The following BRWD1 variants were observed in gnomAD, a reference collection of about 807,000 sequenced individuals.
BRWD1 encodes the protein bromodomain and WD repeat domain containing 1, also known as bromodomain and WD repeat-containing protein 1.
A neutral mutation model predicts 251.2 loss-of-function variants in BRWD1; 82 were observed. The ratio of observed to expected loss-of-function variants is 0.33; its 90% CI spans 0.27 to 0.39. The LOEUF (loss-of-function observed/expected upper bound fraction) is 0.39, where lower values mean the gene tolerates loss of function less well. Among genes scored for constraint, BRWD1 ranks in the 10% least tolerant of loss-of-function variants. BRWD1 has a pLI of 1.00. For missense variants in BRWD1, 2,233 were observed against 2,711.6 expected (o/e 0.82, Z 3.92); for synonymous variants, 918 against 902.8 (o/e 1.02, Z -0.30).
chr21:39,218,453 T>C, intron 30 of BRWD1, 52 bp downstream of exon 30: 8 of 1,501,086 alleles, frequency 5.3e-6, no homozygotes, highest in Non-Finnish European at 7.1e-6. Flanking sequence ...TAAATACCTT[T>C]ATGAAAAAAA....
chr21:39,232,432 C>T lies in BRWD1; in HGVS notation c.2833G>A (p.Val945Ile), dbSNP rs2033651168. The change falls in exon 24 of 41, where the codon GTT (valine) becomes ATT (isoleucine). Residue 945 changes from valine (V) to isoleucine (I), a missense_variant. By Grantham distance (29) the Val-to-Ile change is conservative. Coordinates refer to ENST00000342449, the MANE Select transcript of BRWD1 (RefSeq NM_033656.4). ...MEHLYEFHPPVWITDTTLRKS... is the reference protein window; with the variant it reads ...MEHLYEFHPPIWITDTTLRKS... Reference sequence around the variant, plus strand: ...CTAAGTGTGGTGTCAGTAATCCAAACTGGAGGGTGAAATTCATATAAATGC... The same window carrying T: ...CTAAGTGTGGTGTCAGTAATCCAAATTGGAGGGTGAAATTCATATAAATGC... The T allele has an allele frequency of 6.3e-7, 1 of 1,591,592 alleles. No individual in the cohort carries two copies. The highest frequency in any genetic ancestry group is 1.4e-5 in the African/African-American group (1 of 73,174).
At chr21:39,201,211 G>A (rs1390949769) in intron 38 of BRWD1, among the ~76,000 whole-genome samples, 1 of 152,124 alleles carries the variant, frequency 6.6e-6, no homozygotes, top group Non-Finnish European at 1.5e-5. Context: ...AAAACTGGCT[G>A]TGATACCAAA....
At chr21:39,230,784 C>T (rs1186893251) in intron 25 of BRWD1, among the ~76,000 whole-genome samples, 1 of 151,208 alleles carries the variant, frequency 6.6e-6, no homozygotes, top group Admixed American at 6.6e-5. Context: ...ATGAAAAGGA[C>T]ACTTGTTTGC....
At position 39,196,251 on chromosome 21, in the gene BRWD1, C is replaced by G. The variant is rs943051359; in HGVS notation, c.*8G>C. ...TTTCCTCTTAAATGAACTGGCTTTC[C>G]CTCAAGGTCATAAGGTGCAACCATT... On this transcript the variant is annotated 3_prime_UTR_variant, in exon 41 of 41. Transcript: ENST00000342449. The G allele has an allele frequency of 7.7e-6, 12 of 1,561,920 alleles. No homozygotes were observed. Among genetic ancestry groups the G allele is most frequent in the Non-Finnish European group, 1.0e-5 (12 of 1,157,586 alleles).
chr21:39,265,333 G>A (rs899536049), intron 15 of BRWD1, among the ~76,000 whole-genome samples: 9 of 152,266 alleles, frequency 5.9e-5, no homozygotes, highest in African/African-American at 1.2e-4. Context: ...GCTGAGACAC[G>A]AGAATCGTTT....
chr21:39,229,887 C>T (rs993604665), intron 25 of BRWD1, among the ~76,000 whole-genome samples: 27 of 152,082 alleles, frequency 1.8e-4, no homozygotes, highest in African/African-American at 6.5e-4. Context: ...ACAGGTACAA[C>T]ATGCCACCAC....
chr21:39,252,479 C>A (rs1378186868), intron 19 of BRWD1, among the ~76,000 whole-genome samples: 4 of 152,128 alleles, frequency 2.6e-5, no homozygotes, highest in Non-Finnish European at 4.4e-5. Flanking sequence ...TTTAAATACT[C>A]TTCATCCTTA....
At chr21:39,277,502 G>A (rs940721692) in intron 10 of BRWD1, 151 bp from the exon 11 acceptor site, 7 of 490,474 alleles carry the variant, frequency 1.4e-5, no homozygotes, top group Non-Finnish European at 2.4e-5. Flanking sequence ...CTATATAGAG[G>A]TTATAAAGCT....
chr21:39,216,376 T>C (rs542292324), intron 31 of BRWD1, among the ~76,000 whole-genome samples: 39 of 152,284 alleles, frequency 2.6e-4, no homozygotes, highest in African/African-American at 8.9e-4. Context: ...AATAAAGTTA[T>C]CTAACAACTT....
chr21:39,190,552 C>G lies in BRWD1; in HGVS notation c.*5707G>C. On this transcript the variant is annotated 3_prime_UTR_variant, in exon 41 of 41. Transcript: ENST00000342449. ...AAGTTATAAGCTCCCTCAAGCAAGC[C>G]TTTTATCAGAAAAGACTTGAGATAT... 6 of 985,346 alleles carry G rather than the reference C, an allele frequency of 6.1e-6. No homozygotes were observed. Among genetic ancestry groups the G allele is most frequent in the Non-Finnish European group, 7.2e-6 (6 of 829,910 alleles). The allele number at this position is 985,346 out of a possible 1,614,324, so 61.0% of individuals were successfully genotyped here.
At chr21:39,264,852 A>ACT in intron 16 of BRWD1, 39 bp downstream of exon 16, 1 of 1,599,214 alleles carries the variant, frequency 6.3e-7, no homozygotes, top group Non-Finnish European at 8.5e-7. Flanking sequence ...ACAGCTGATA[A>ACT]CTATTACTTG....
intron 18 of BRWD1, 26 bp downstream of exon 18, chr21:39,258,461 G>A (rs889580766): frequency 2.6e-6 from 4 of 1,516,458 alleles, no homozygotes; most frequent in South Asian, 1.3e-5. Flanking sequence ...CCATATTCAG[G>A]TAAAACATTT....
chr21:39,265,120 TG>T lies in BRWD1; in HGVS notation c.1531-102del. ...ATAACCTGTGACAATATATCCCTTC[TG>T]AAAAAAAAAAAAAAAGTTTCAGCCA... On this transcript the variant is annotated intron_variant, in intron 15 of 40. Coordinates refer to ENST00000342449, the MANE Select transcript of BRWD1 (RefSeq NM_033656.4). The T allele has an allele frequency of 7.1e-6, 8 of 1,130,194 alleles. No homozygotes were observed. The South Asian group carries it at 8.1e-5, about 11-fold the overall frequency. The allele number at this position is 1,130,194 out of a possible 1,614,324, so 70.0% of individuals were successfully genotyped here.
intron 4 of BRWD1, among the ~76,000 whole-genome samples, chr21:39,309,417 C>T (rs2036394515): frequency 6.6e-6 from 1 of 151,980 alleles, no homozygotes; most frequent in African/African-American, 2.4e-5. Flanking sequence ...GTGATCACAC[C>T]ACTGCACCCC....
chr21:39,204,534 A>G (rs886087272), intron 37 of BRWD1, among the ~76,000 whole-genome samples: 8 of 152,210 alleles, frequency 5.3e-5, no homozygotes, highest in African/African-American at 1.9e-4. Flanking sequence ...TTCTTTACAA[A>G]TAATCCTCAG....
At chr21:39,319,399 A>G (rs1175437194) in intron 1 of BRWD1, among the ~76,000 whole-genome samples, 1 of 152,142 alleles carries the variant, frequency 6.6e-6, no homozygotes, top group East Asian at 1.9e-4. Flanking sequence ...ACTCGTTCTT[A>G]CTTTGAAACA....
At chr21:39,274,614 T>A in intron 12 of BRWD1, 142 bp from the exon 13 acceptor site, 1 of 715,098 alleles carries the variant, frequency 1.4e-6, no homozygotes, top group East Asian at 2.7e-5. Context: ...AAAGACAAGG[T>A]ATTTAGAGCG....
intron 31 of BRWD1, chr21:39,217,052 T>TATAA (rs2032956620): frequency 1.7e-4 from 3 of 17,992 alleles, no homozygotes; most frequent in Admixed American, 8.2e-4. Flanking sequence ...TATATATATT[T>TATAA]ATATATATAT....
At position 39,313,059 on chromosome 21, in the gene BRWD1, G is replaced by C. The variant is rs752215369; in HGVS notation, c.138+13C>G. ...AGGAACCCGAGGGAGCGCGGGGACGGGCGCGCACAGACCTGGTACTGCTCC... is the reference window on the plus strand; with the variant it reads ...AGGAACCCGAGGGAGCGCGGGGACGCGCGCGCACAGACCTGGTACTGCTCC... On this transcript the variant is annotated intron_variant, in intron 3 of 40. Coordinates refer to ENST00000342449, the MANE Select transcript of BRWD1 (RefSeq NM_033656.4). 1 of 1,429,510 alleles carries C rather than the reference G, an allele frequency of 7.0e-7. No homozygotes were observed. The highest frequency in any genetic ancestry group is 1.4e-5 in the South Asian group (1 of 70,614). 88.6% of individuals were successfully genotyped at this position (1,429,510 alleles called of 1,614,324 possible).
Sources: gnomAD v4.1 joint callset for allele counts (sites outside exome capture counted in the v4.1 genomes callset) on GRCh38, gnomAD v4.1.1 for gene constraint, MANE v1.5 for transcripts, NCBI Gene and HGNC (gene_info 2026-07-23, HGNC 2026-07-21) for gene names.